CAMKMT: variants seen among roughly 807,000 people sequenced by gnomAD.
CAMKMT encodes the protein calmodulin-lysine N-methyltransferase.
Under a neutral mutation model 48.0 loss-of-function variants are expected in CAMKMT, and 53 were observed. The ratio of observed to expected loss-of-function variants is 1.10; its 90% confidence interval spans 0.89 to 1.39. The LOEUF (loss-of-function observed/expected upper bound fraction) is 1.39. Ranked by LOEUF, CAMKMT falls within the 40% of genes most tolerant of loss-of-function variation. CAMKMT has a pLI of 0.00. For synonymous variants in CAMKMT, 165 were observed against 152.3 expected, an observed-to-expected ratio of 1.08 and a Z score of -0.61; for missense variants, 428 against 402.7, an observed-to-expected ratio of 1.06 and a Z score of -0.54.
intron 3 of CAMKMT, among the ~76,000 whole-genome samples, chr2:44,527,535 C>T (rs1476130220): frequency 1.3e-5 from 2 of 149,552 alleles, no homozygotes; most frequent in Non-Finnish European, 3.0e-5. Context: ...ATTATAGACA[C>T]AAGCTACCAC....
chr2:44,567,743 A>G (rs1263220753), intron 3 of CAMKMT, among the ~76,000 whole-genome samples: 1 of 152,216 alleles, frequency 6.6e-6, no homozygotes, highest in Non-Finnish European at 1.5e-5. Flanking sequence ...ACGTCCTGCT[A>G]GCACAACTTT....
At chr2:44,741,230 C>G (rs944939782) in intron 7 of CAMKMT, among the ~76,000 whole-genome samples, 14 of 152,334 alleles carry the variant, frequency 9.2e-5, no homozygotes, top group East Asian at 3.9e-4. Context: ...TGGTCCTCCC[C>G]CACAGTGGAA....
intron 3 of CAMKMT, among the ~76,000 whole-genome samples, chr2:44,551,391 T>C (rs1278297951): frequency 1.3e-5 from 2 of 152,198 alleles, no homozygotes; most frequent in Admixed American, 6.5e-5. Context: ...CTAAAGGGAA[T>C]TGTGCGTGTT....
intron 3 of CAMKMT, among the ~76,000 whole-genome samples, chr2:44,550,125 C>T (rs1021126754): frequency 6.6e-5 from 10 of 152,070 alleles, no homozygotes; most frequent in African/African-American, 2.2e-4. Flanking sequence ...AGCCACTGGG[C>T]GTGGTGATTC....
At chr2:44,765,395 G>A (rs962970541) in intron 9 of CAMKMT, among the ~76,000 whole-genome samples, 12 of 152,144 alleles carry the variant, frequency 7.9e-5, no homozygotes, top group African/African-American at 2.7e-4. Context: ...GCTGGCTGGT[G>A]TGAATGATAA....
intron 3 of CAMKMT, among the ~76,000 whole-genome samples, chr2:44,531,382 T>G (rs1351494068): frequency 1.3e-5 from 2 of 152,168 alleles, no homozygotes; most frequent in Non-Finnish European, 2.9e-5. Context: ...AATGTGAGTC[T>G]GTACAATCCC....
chr2:44,409,463 G>A (rs540100921), intron 3 of CAMKMT, among the ~76,000 whole-genome samples: 12 of 151,926 alleles, frequency 7.9e-5, no homozygotes, highest in Non-Finnish European at 1.3e-4. Context: ...CATGAATCTT[G>A]GTTTGATTCT....
chr2:44,536,996 G>C (rs764643538), intron 3 of CAMKMT, among the ~76,000 whole-genome samples: 1 of 151,916 alleles, frequency 6.6e-6, no homozygotes, highest in African/African-American at 2.4e-5. Flanking sequence ...CTCTCTCCAC[G>C]TACCAAAAAG....
chr2:44,729,700 G>C (rs1279904111), intron 7 of CAMKMT, among the ~76,000 whole-genome samples: 3 of 152,138 alleles, frequency 2.0e-5, no homozygotes, highest in Non-Finnish European at 4.4e-5. Flanking sequence ...AGTTGAGCAT[G>C]TGATCAGGCA....
intron 3 of CAMKMT, among the ~76,000 whole-genome samples, chr2:44,576,154 C>T (rs1272185716): frequency 6.6e-6 from 1 of 151,822 alleles, no homozygotes; most frequent in Non-Finnish European, 1.5e-5. Flanking sequence ...TGGTGAAACC[C>T]CATTTCTATT....
intron 3 of CAMKMT, among the ~76,000 whole-genome samples, chr2:44,440,187 T>A (rs1490042404): frequency 2.6e-5 from 4 of 152,202 alleles, no homozygotes; most frequent in Non-Finnish European, 5.9e-5. Flanking sequence ...GGATGCTGCA[T>A]CCTCTAGTCC....
chr2:44,510,981 C>T (rs1670517074), intron 3 of CAMKMT, among the ~76,000 whole-genome samples: 1 of 152,038 alleles, frequency 6.6e-6, no homozygotes, highest in African/African-American at 2.4e-5. Context: ...GCTGGGATTA[C>T]AGGAATGTGC....
At chr2:44,388,989 G>C (rs910344495) in intron 2 of CAMKMT, among the ~76,000 whole-genome samples, 9 of 152,190 alleles carry the variant, frequency 5.9e-5, no homozygotes. Flanking sequence ...TTGACCTCCT[G>C]CTGGGAGGTG....
rs1674448171 is a variant in CAMKMT at position 44,657,626 on chromosome 2, C to T, written c.377-46657C>T. Among the ~76,000 whole-genome samples, 1 of 152,122 alleles carries T rather than the reference C, an allele frequency of 6.6e-6. No homozygotes were observed. Among genetic ancestry groups the T allele is most frequent in the South Asian group, 2.1e-4 (1 of 4,818 alleles). ...CCCTGACTACAAGTGTTCCTGGGGC[C>T]ACGTCTGAAAGCAGCTTATCACTTC... On this transcript the variant is annotated intron_variant, in intron 3 of 10. Coordinates refer to ENST00000378494, the MANE Select transcript of CAMKMT (RefSeq NM_024766.5). This position sits in a 1 kb window ranked among gnomAD's most constrained non-coding sequence, Gnocchi z 4.3.
intron 3 of CAMKMT, among the ~76,000 whole-genome samples, chr2:44,550,359 C>T (rs932002163): frequency 2.0e-5 from 3 of 150,400 alleles, no homozygotes; most frequent in South Asian, 4.2e-4. Flanking sequence ...CACTGCACTC[C>T]AGCCTGGGTG....
At chr2:44,729,611 G>A (rs569974053) in intron 7 of CAMKMT, among the ~76,000 whole-genome samples, 6 of 152,274 alleles carry the variant, frequency 3.9e-5, no homozygotes, top group African/African-American at 1.4e-4. Context: ...TGAAGCAATG[G>A]GAGTGTCCAC....
chr2:44,399,184 G>A lies in CAMKMT; in HGVS notation c.376+8879G>A, dbSNP rs142921324. 2.0e-3 allele frequency among the ~76,000 whole-genome samples: 297 copies of A among 152,276 alleles called. 3 individuals carry two copies. Among genetic ancestry groups the A allele is most frequent in the African/African-American group, 7.0e-3 (289 of 41,548 alleles). On this transcript the variant is annotated intron_variant, in intron 3 of 10. Transcript: ENST00000378494. ...CGTCTTAAGCCTTTGCCCTTCCAGG[G>A]TTTTGAAGATCAGACTTCTGTATCA...
At chr2:44,378,025 C>A (rs1261471617) in intron 2 of CAMKMT, among the ~76,000 whole-genome samples, 1 of 152,156 alleles carries the variant, frequency 6.6e-6, no homozygotes, top group Admixed American at 6.5e-5. Context: ...AGGCTGGCAT[C>A]TAAGACAAAT....
intron 3 of CAMKMT, among the ~76,000 whole-genome samples, chr2:44,695,449 A>G (rs1676886965): frequency 6.6e-6 from 1 of 152,200 alleles, no homozygotes; most frequent in Non-Finnish European, 1.5e-5. Flanking sequence ...GAGTGAATGA[A>G]ACCCCACCAT....
Sources: allele counts gnomAD v4.1 joint callset (sites outside exome capture counted in the v4.1 genomes callset), GRCh38; gene constraint gnomAD v4.1.1; non-coding constraint Gnocchi (gnomAD v3.1); transcripts MANE v1.5; gene names NCBI Gene and HGNC (gene_info 2026-07-23, HGNC 2026-07-21).